The following CENPN variants were observed in gnomAD, a reference collection of about 807,000 sequenced individuals.
CENPN encodes the protein centromere protein N.
Under a neutral mutation model 48.6 loss-of-function variants are expected in CENPN, and 36 were observed. The ratio of observed to expected loss-of-function variants is 0.74; its 90% CI spans 0.57 to 0.98. CENPN has a LOEUF of 0.98. CENPN is among the 50% of genes least tolerant of loss of function. CENPN has a pLI of 0.00. For missense variants in CENPN, 439 were observed against 399.2 expected, an observed-to-expected ratio of 1.10 and a Z score of -0.85; for synonymous variants, 166 against 135.2, an observed-to-expected ratio of 1.23 and a Z score of -1.58.
chr16:81,015,241 T>C (rs1969888971), intron 3 of CENPN, among the ~76,000 whole-genome samples: 1 of 152,186 alleles, frequency 6.6e-6, no homozygotes. Flanking sequence ...AGATGTCTGT[T>C]TTTTTTATCA....
chr16:81,021,502 G>A (rs1286968886), intron 6 of CENPN, among the ~76,000 whole-genome samples: 1 of 152,196 alleles, frequency 6.6e-6, no homozygotes, highest in Non-Finnish European at 1.5e-5. Flanking sequence ...TGGGGTGGAG[G>A]TGCGGTGTGG....
chr16:81,032,736 A>G (rs1167209250), downstream of CENPN: 1 of 1,572,708 alleles, frequency 6.4e-7, no homozygotes, highest in African/African-American at 1.4e-5. Flanking sequence ...ATGGTTAATC[A>G]AATGTATGTC....
intron 1 of CENPN, among the ~76,000 whole-genome samples, chr16:81,008,684 C>A (rs1014128553): frequency 1.8e-4 from 28 of 152,264 alleles, no homozygotes; most frequent in African/African-American, 6.7e-4. Context: ...TGATGTTTCA[C>A]TGACTGTTGA....
intron 6 of CENPN, chr16:81,022,253 G>T: frequency 1.2e-5 from 3 of 247,376 alleles, no homozygotes; most frequent in Non-Finnish European, 2.4e-5. Flanking sequence ...TTTTTGTATG[G>T]CAATATCATT....
Position 81,028,234 on chromosome 16 carries a change from C to T in CENPN, c.874C>T (p.Arg292Ter), listed in dbSNP as rs1970599410. 9 of 1,613,330 alleles carry T rather than the reference C, an allele frequency of 5.6e-6. No homozygotes were observed. Among genetic ancestry groups the T allele is most frequent in the South Asian group, 4.4e-5 (4 of 91,078 alleles). ...CTTGGCTGAGAGGGAAGAACCCCTC[C>T]GATGCCTAATAAAGTTCTCTAGCCC... ...SILAEREEPL[R>*]CLIKFSSPHL... The change falls in exon 10 of 11, where the codon CGA becomes TGA. Residue 292 changes from arginine (R) to a stop codon, truncating the protein, a stop_gained. Transcript: ENST00000305850. LOFTEE classifies it high-confidence loss of function.
Position 81,020,271 on chromosome 16 carries a change from G to A in CENPN, c.526G>A (p.Gly176Ser). The change falls in exon 6 of 11, where the codon GGT (glycine) becomes AGT (serine). Residue 176 changes from glycine to serine, a missense_variant. Transcript: ENST00000305850. ...GCTGAGGCGCAATACACCGCTTCTGGGTCAGGTATGGAAAAAATTATTACA... is the reference window on the plus strand; with the variant it reads ...GCTGAGGCGCAATACACCGCTTCTGAGTCAGGTATGGAAAAAATTATTACA... Reference protein sequence around the residue: ...SMLRRNTPLLGQALTIASKHH... With the variant: ...SMLRRNTPLLSQALTIASKHH... The A allele has an allele frequency of 1.2e-6, 2 of 1,607,668 alleles. No homozygotes were observed. Among genetic ancestry groups the A allele is most frequent in the African/African-American group, 1.3e-5 (1 of 74,552 alleles).
chr16:81,022,260 C>A, intron 6 of CENPN: 1 of 259,416 alleles, frequency 3.9e-6, no homozygotes, highest in Non-Finnish European at 7.5e-6. Flanking sequence ...ATGGCAATAT[C>A]ATTATGGTAT....
rs558471794 is a variant in CENPN at position 81,030,362 on chromosome 16, T to G, written c.*1711T>G. Reference sequence around the variant, plus strand: ...TAATCCCAGCACTTCAGGAGGTTTCTCCTAGTGTACTCTCACACTTCTGAT... The same window carrying G: ...TAATCCCAGCACTTCAGGAGGTTTCGCCTAGTGTACTCTCACACTTCTGAT... On this transcript the variant is annotated 3_prime_UTR_variant, in exon 11 of 11. Transcript: ENST00000305850. The G allele has an allele frequency of 2.0e-6, 2 of 985,154 alleles. No homozygotes were observed. Among genetic ancestry groups the G allele is most frequent in the East Asian group, 2.3e-4 (2 of 8,762 alleles). 61.0% of individuals were successfully genotyped at this position (985,154 alleles called of 1,614,324 possible).
In CENPN at chr16:81,020,286, AAAT is replaced by A; in HGVS notation, c.531+11_531+13del. 6.2e-7 allele frequency: 1 copy of A among 1,605,122 alleles called. No homozygotes were observed. ...ACCGCTTCTGGGTCAGGTATGGAAA[AAAT>A]TATTACAAGCTATAATATTTTATTA... On this transcript the variant is annotated intron_variant, in intron 6 of 10. Transcript: ENST00000305850.
At chr16:81,025,147 A>G (rs1970406608) in intron 8 of CENPN, among the ~76,000 whole-genome samples, 1 of 21,154 alleles carries the variant, frequency 4.7e-5, no homozygotes, top group Admixed American at 1.3e-3. Flanking sequence ...GAGGTATGGT[A>G]ACTCTCTAGG....
rs1396599996 is a variant in CENPN, at chr16:81,026,607, C to G, written c.779C>G (p.Pro260Arg). ...ACTCAAGAAACATTTGGAGATTATC[C>G]TCAACCACAACTAGAATTTGCACAA... Reference protein sequence around the residue: ...RITQETFGDYPQPQLEFAQYK... With the variant: ...RITQETFGDYRQPQLEFAQYK... The change falls in exon 9 of 11, where the codon CCT (proline) becomes CGT (arginine). Residue 260 changes from proline to arginine, a missense_variant. Transcript: ENST00000305850. 6.3e-7 allele frequency: 1 copy of G among 1,597,046 alleles called. No homozygotes were observed. Among genetic ancestry groups the G allele is most frequent in the South Asian group, 1.1e-5 (1 of 89,998 alleles).
intron 3 of CENPN, among the ~76,000 whole-genome samples, chr16:81,014,922 GT>G (rs777444560): frequency 3.3e-5 from 5 of 152,250 alleles, no homozygotes; most frequent in Non-Finnish European, 7.3e-5. Context: ...GTTACATGAG[GT>G]ATGCAACAGT....
At chr16:81,015,698 T>C (rs1456695879) in intron 3 of CENPN, among the ~76,000 whole-genome samples, 5 of 152,178 alleles carry the variant, frequency 3.3e-5, no homozygotes, top group Admixed American at 2.6e-4. Context: ...TTCTCATACA[T>C]TGATTCAAAA....
chr16:81,029,173 G>A lies in CENPN; in HGVS notation c.*522G>A, dbSNP rs1399870475. Reference sequence around the variant, plus strand: ...AGTCCATTCTGTTATTGTTGCAAGAGGTTGCATATTTGGTGAGTCAGTTAT... The same window carrying A: ...AGTCCATTCTGTTATTGTTGCAAGAAGTTGCATATTTGGTGAGTCAGTTAT... On this transcript the variant is annotated 3_prime_UTR_variant, in exon 11 of 11. Coordinates refer to ENST00000305850, the MANE Select transcript of CENPN (RefSeq NM_001100624.3). The A allele has an allele frequency of 1.0e-6, 1 of 982,466 alleles. No homozygotes were observed. Among genetic ancestry groups the A allele is most frequent in the Non-Finnish European group, 1.2e-6 (1 of 827,292 alleles). The allele number at this position is 982,466 out of a possible 1,614,324, so 60.9% of individuals were successfully genotyped here. A position where few individuals can be genotyped will look rare whatever the true frequency, so the allele number is the denominator to read the frequency against.
At chr16:81,010,665 T>A (rs1969700744) in intron 1 of CENPN, among the ~76,000 whole-genome samples, 1 of 142,790 alleles carries the variant, frequency 7.0e-6, no homozygotes, top group Non-Finnish European at 1.6e-5. Flanking sequence ...TATCTTAATA[T>A]TAACAGATTC....
In CENPN at chr16:81,030,467, G is replaced by A. The variant is rs1439586893; in HGVS notation, c.*1816G>A. The A allele has an allele frequency of 1.1e-6, 1 of 927,798 alleles. No homozygotes were observed. The highest frequency in any genetic ancestry group is 1.2e-4 in the East Asian group (1 of 8,562). 57.5% of individuals were successfully genotyped at this position (927,798 alleles called of 1,614,324 possible). On this transcript the variant is annotated 3_prime_UTR_variant, in exon 11 of 11. Transcript: ENST00000305850. ...GATATAGAAAAATGACTTCACTCTG[G>A]GCCGGGTGTAGTGGCTCACGCCTGT... is the stretch of plus-strand genomic sequence containing the variant.
rs1030925836 is a variant in CENPN, at chr16:81,028,360, T to C, written c.937+63T>C. On this transcript the variant is annotated intron_variant, in intron 10 of 10. Transcript: ENST00000305850. ...ACAACATGCCTCCATTCCATCCTTATAATCTGCTAATTACTTCTGAGCTCA... is the reference window on the plus strand; with the variant it reads ...ACAACATGCCTCCATTCCATCCTTACAATCTGCTAATTACTTCTGAGCTCA... 7.6e-6 allele frequency: 12 copies of C among 1,580,808 alleles called. No individual in the cohort carries two copies. The African/African-American group carries it at 9.4e-5, about 12-fold the overall frequency.
chr16:81,017,902 C>G lies in CENPN; in HGVS notation c.354+68C>G, dbSNP rs550797037. ...ACGTCTGTGCACTTAAAATTTGCTA[C>G]TATCATAGTTTTTTTTTAATTTGTA... On this transcript the variant is annotated intron_variant, in intron 5 of 10. Coordinates refer to ENST00000305850, the MANE Select transcript of CENPN (RefSeq NM_001100624.3). The G allele has an allele frequency of 4.4e-6, 4 of 904,480 alleles. No homozygotes were observed. The East Asian group carries it at 1.0e-4, about 24-fold the overall frequency. 56.0% of individuals were successfully genotyped at this position (904,480 alleles called of 1,614,324 possible). A position where few individuals can be genotyped will look rare whatever the true frequency, so the allele number is the denominator to read the frequency against.
intron 1 of CENPN, chr16:81,007,585 G>A (rs1049829692): frequency 6.6e-6 from 1 of 152,504 alleles, no homozygotes; most frequent in African/African-American, 2.4e-5. Flanking sequence ...ACGATCCTGG[G>A]GTTGCTTCCT....
Sources: gnomAD v4.1 joint callset for allele counts (sites outside exome capture counted in the v4.1 genomes callset) on GRCh38, gnomAD v4.1.1 for gene constraint, MANE v1.5 for transcripts, NCBI Gene and HGNC (gene_info 2026-07-23, HGNC 2026-07-21) for gene names.